TEC: variants seen among roughly 807,000 people sequenced by gnomAD.
TEC encodes tyrosine-protein kinase Tec.
In TEC, 72 loss-of-function variants were observed where a neutral mutation model predicts 93.0. The ratio of observed to expected loss-of-function variants is 0.77; its 90% CI spans 0.64 to 0.94. The LOEUF (loss-of-function observed/expected upper bound fraction) is 0.94. TEC is among the 40% of genes least tolerant of loss of function. The pLI, the probability that TEC is intolerant of heterozygous loss-of-function variation, is 0.00. For synonymous variants in TEC, 249 were observed against 247.7 expected (o/e 1.01, Z -0.05); for missense variants, 630 against 757.9 (o/e 0.83, Z 1.98).
intron 12 of TEC, 66 bp from the exon 13 acceptor site, chr4:48,145,645 G>C (rs1719877682): frequency 6.5e-7 from 1 of 1,549,926 alleles, no homozygotes; most frequent in Non-Finnish European, 8.8e-7. Context: ...CAGAGAGGGG[G>C]AAAAAGAACC....
intron 14 of TEC, among the ~76,000 whole-genome samples, chr4:48,142,151 T>G (rs767574532): frequency 6.6e-6 from 1 of 152,342 alleles, no homozygotes; most frequent in Admixed American, 6.5e-5. Context: ...CCAATATTTC[T>G]GCTCAGTGAT....
chr4:48,216,767 G>A (rs73246004), intron 2 of TEC, among the ~76,000 whole-genome samples: 4,544 of 152,056 alleles, frequency 0.03, 94 homozygotes, highest in Non-Finnish European at 0.039. Context: ...AATTGCTGAC[G>A]GACAAGTTTT....
chr4:48,218,077 C>G (rs1723137410), intron 2 of TEC, among the ~76,000 whole-genome samples: 1 of 151,434 alleles, frequency 6.6e-6, no homozygotes, highest in Non-Finnish European at 1.5e-5. Context: ...TGATTAATGA[C>G]AAGAAAGGTC....
intron 14 of TEC, 93 bp from the exon 15 acceptor site, chr4:48,141,512 C>T: frequency 7.9e-7 from 1 of 1,267,870 alleles, no homozygotes; most frequent in Non-Finnish European, 1.1e-6. Flanking sequence ...TTTAGTGTAA[C>T]CTAGTCAACA....
Position 48,145,538 on chromosome 4 carries a change from C to G in TEC, c.1123G>C (p.Glu375Gln). ...INPSELTFMR[E>Q]LGSGLFGVVR... ...ACTCCAAACAGTCCACTTCCCAATT[C>G]CCTCATAAAGGTCAGTTCTGAAGGG... Residue 375 changes from glutamate to glutamine, a missense_variant, in exon 13 of 18, where the codon GAA becomes CAA. Transcript: ENST00000381501. The G allele has an allele frequency of 6.2e-7, 1 of 1,614,170 alleles. No individual in the cohort carries two copies. The highest frequency in any genetic ancestry group is 2.2e-5 in the East Asian group (1 of 44,882).
At chr4:48,157,519 G>A (rs1011592896) in intron 8 of TEC, among the ~76,000 whole-genome samples, 1 of 152,004 alleles carries the variant, frequency 6.6e-6, no homozygotes, top group African/African-American at 2.4e-5. Context: ...AATCTGCACC[G>A]CTTCTTCTTT....
chr4:48,230,452 T>C (rs1723614605), intron 1 of TEC, among the ~76,000 whole-genome samples: 2 of 152,236 alleles, frequency 1.3e-5, no homozygotes, highest in Non-Finnish European at 2.9e-5. Context: ...ATGTTTATCA[T>C]TTTTAATTCC....
intron 2 of TEC, among the ~76,000 whole-genome samples, chr4:48,227,634 ACT>A (rs1723512838): frequency 7.6e-6 from 1 of 131,824 alleles, no homozygotes; most frequent in East Asian, 2.2e-4. Flanking sequence ...AGAGCAAGAC[ACT>A]GTCTCAAAAA....
Position 48,170,363 on chromosome 4 carries a change from G to A in TEC, c.339C>T (p.Asn113=), listed in dbSNP as rs761335116. The change falls in exon 5 of 18, where the codon AAC becomes AAT. Residue 113 remains asparagine, a synonymous_variant. Transcript: ENST00000381501. ...VKKLKEEIKN[N]NNIMIKYHPK... is the part of the protein sequence containing the mutation. ...GATGATATTTAATCATAATATTATT[G>A]TTGTTCTTTATTTCTGTAATTCACA... 45 of 1,412,362 alleles carry A rather than the reference G, an allele frequency of 3.2e-5. No homozygotes were observed. The highest frequency in any genetic ancestry group is 4.3e-5 in the Non-Finnish European group (43 of 1,007,766). 87.5% of individuals were successfully genotyped at this position (1,412,362 alleles called of 1,614,324 possible). A position where few individuals can be genotyped will look rare whatever the true frequency, so the allele number is the denominator to read the frequency against.
rs542618772 is a variant in TEC, at chr4:48,225,563, A to G, written c.138+2914T>C. On this transcript the variant is annotated intron_variant, in intron 2 of 17. Coordinates refer to ENST00000381501, the MANE Select transcript of TEC (RefSeq NM_003215.3). Reference sequence around the variant, plus strand: ...CCACGGCAAACAGTGAACTGAGCACATTAGCACAAACATGGAAGAAACATA... The same window carrying G: ...CCACGGCAAACAGTGAACTGAGCACGTTAGCACAAACATGGAAGAAACATA... Among the ~76,000 whole-genome samples, 4 of 152,312 alleles carry G rather than the reference A, an allele frequency of 2.6e-5. No individual in the cohort carries two copies. The East Asian group carries it at 7.7e-4, about 29-fold the overall frequency.
chr4:48,142,369 G>T (rs1719714755), intron 14 of TEC, among the ~76,000 whole-genome samples: 1 of 152,146 alleles, frequency 6.6e-6, no homozygotes, highest in Non-Finnish European at 1.5e-5. Flanking sequence ...AGCTACCTAG[G>T]ACTGGAGGCA....
At chr4:48,231,819 T>C (rs373032808) in intron 1 of TEC, among the ~76,000 whole-genome samples, 18 of 152,032 alleles carry the variant, frequency 1.2e-4, no homozygotes, top group African/African-American at 3.4e-4. Context: ...AAACGGGCCA[T>C]GTGTAGACAT....
intron 2 of TEC, among the ~76,000 whole-genome samples, chr4:48,176,494 G>A (rs754492925): frequency 1.3e-5 from 2 of 152,158 alleles, no homozygotes; most frequent in Non-Finnish European, 2.9e-5. Context: ...GCCAAGGCGG[G>A]TGGATTACTT....
intron 2 of TEC, among the ~76,000 whole-genome samples, chr4:48,179,351 TATATATATATATATATATATATATA>T (rs1426001355): frequency 0.16 from 6,420 of 40,832 alleles, 394 homozygotes; most frequent in South Asian, 0.27. Context: ...TATATATATA[TATATATATATATATATATATATATA>T]TTTTTTTTTT....
intron 1 of TEC, among the ~76,000 whole-genome samples, chr4:48,258,502 T>C (rs1724405236): frequency 6.6e-6 from 1 of 152,190 alleles, no homozygotes; most frequent in African/African-American, 2.4e-5. Flanking sequence ...GTTTAGCTTT[T>C]TCATGTCCCA....
chr4:48,169,375 A>G (rs1269108182), intron 5 of TEC, among the ~76,000 whole-genome samples: 1 of 152,074 alleles, frequency 6.6e-6, no homozygotes, highest in Non-Finnish European at 1.5e-5. Flanking sequence ...ACCTTAAGAC[A>G]TTAAAAAAAA....
intron 2 of TEC, among the ~76,000 whole-genome samples, chr4:48,212,110 A>AAAAATAT: frequency 0.061 from 7,374 of 121,656 alleles, 377 homozygotes; most frequent in Non-Finnish European, 0.086. Flanking sequence ...AAAAAAAAAA[A>AAAAATAT]ATATATATAT....
intron 2 of TEC, among the ~76,000 whole-genome samples, chr4:48,188,041 G>A (rs1721954374): frequency 6.6e-6 from 1 of 152,058 alleles, no homozygotes; most frequent in Non-Finnish European, 1.5e-5. Flanking sequence ...GCCAAGGGGG[G>A]CATGGAAAGA....
At chr4:48,195,961 TTTA>T (rs1408357440) in intron 2 of TEC, among the ~76,000 whole-genome samples, 1 of 152,154 alleles carries the variant, frequency 6.6e-6, no homozygotes, top group Non-Finnish European at 1.5e-5. Context: ...CAACAGAAGC[TTTA>T]TCTGTCTGCT....
Sources: allele counts gnomAD v4.1 joint callset (sites outside exome capture counted in the v4.1 genomes callset), GRCh38; gene constraint gnomAD v4.1.1; transcripts MANE v1.5; gene names NCBI Gene and HGNC (gene_info 2026-07-23, HGNC 2026-07-21).